The following IL5RA variants were observed in gnomAD, a reference collection of about 807,000 sequenced individuals.
IL5RA encodes interleukin-5 receptor subunit alpha.
A neutral mutation model predicts 50.0 loss-of-function variants in IL5RA; 49 were observed. The observed-to-expected ratio is 0.98, with a 90% CI of 0.78 to 1.24. IL5RA has a LOEUF of 1.24. Ranked by LOEUF, IL5RA falls within the 50% of genes most tolerant of loss-of-function variation. The pLI is 0.00. For synonymous variants in IL5RA, 202 were observed against 174.0 expected (o/e 1.16, Z -1.26); for missense variants, 600 against 500.4 (o/e 1.20, Z -1.90).
chr3:3,090,330 GCTTT>G (rs1703034199), intron 9 of IL5RA: 3 of 1,079,180 alleles, frequency 2.8e-6, no homozygotes, highest in Admixed American at 2.2e-5. Context: ...TTAAACCTGG[GCTTT>G]CTATGTAAGG....
At chr3:3,095,249 T>G (rs190065765) in intron 8 of IL5RA, 50 bp downstream of exon 8, 11 of 1,452,872 alleles carry the variant, frequency 7.6e-6, no homozygotes, top group Non-Finnish European at 9.5e-7. Context: ...TTTTAAATGT[T>G]TCTAAAACAA....
chr3:3,102,518 C>G, intron 4 of IL5RA, among the ~76,000 whole-genome samples, 157 bp downstream of exon 4: 1 of 152,210 alleles, frequency 6.6e-6, no homozygotes, highest in East Asian at 1.9e-4. Flanking sequence ...GGCGCTAGCT[C>G]ACAGGCATTC....
intron 11 of IL5RA, chr3:3,073,972 A>G (rs1286567233): frequency 3.8e-6 from 1 of 264,730 alleles, no homozygotes; most frequent in African/African-American, 2.3e-5. Context: ...CCAATCAGAT[A>G]GTCCAGAAAT....
At chr3:3,104,417 C>T (rs1393747988) in intron 3 of IL5RA, among the ~76,000 whole-genome samples, 3 of 152,208 alleles carry the variant, frequency 2.0e-5, no homozygotes, top group Admixed American at 1.3e-4. Flanking sequence ...CTAGTGGCTA[C>T]TGCATTGGAC....
chr3:3,088,031 C>T (rs1702940520), intron 9 of IL5RA, among the ~76,000 whole-genome samples: 1 of 152,036 alleles, frequency 6.6e-6, no homozygotes, highest in Admixed American at 6.6e-5. Flanking sequence ...AAAAGGATGG[C>T]AGTAAATGAA....
rs375329236 is a variant in IL5RA at position 3,101,093 on chromosome 3, C to T, written c.367+599G>A. Among the ~76,000 whole-genome samples the T allele has an allele frequency of 1.1e-4, 17 of 151,336 alleles. No homozygotes were observed. The South Asian group carries it at 2.1e-3, about 19-fold the overall frequency. On this transcript the variant is annotated intron_variant, in intron 5 of 11. Transcript: ENST00000446632. Reference sequence around the variant, plus strand: ...ACTCGGGAGGCTGTGACATGAGAACCGCTTGAACCCAGGAGGCAGAGGTTG... The same window carrying T: ...ACTCGGGAGGCTGTGACATGAGAACTGCTTGAACCCAGGAGGCAGAGGTTG...
At chr3:3,074,237 A>C (rs1171500146) in intron 11 of IL5RA, among the ~76,000 whole-genome samples, 4 of 152,212 alleles carry the variant, frequency 2.6e-5, no homozygotes, top group Non-Finnish European at 5.9e-5. Context: ...CTATTAACTA[A>C]GATATTCATG....
intron 3 of IL5RA, among the ~76,000 whole-genome samples, chr3:3,103,463 C>T (rs930261248): frequency 2.0e-5 from 3 of 152,252 alleles, no homozygotes; most frequent in East Asian, 1.9e-4. Flanking sequence ...TCATGAATCT[C>T]GTTTCCACTA....
intron 5 of IL5RA, among the ~76,000 whole-genome samples, chr3:3,100,899 C>G (rs1304994090): frequency 6.6e-6 from 1 of 151,792 alleles, no homozygotes; most frequent in African/African-American, 2.4e-5. Flanking sequence ...GTAACCCCAG[C>G]ACTTTGGGAG....
intron 9 of IL5RA, among the ~76,000 whole-genome samples, chr3:3,086,829 G>A (rs539267489): frequency 2.4e-4 from 37 of 152,234 alleles, no homozygotes; most frequent in Non-Finnish European, 2.9e-4. Flanking sequence ...CCTATCAACC[G>A]ATGAGTGGAT....
chr3:3,073,866 G>A, intron 11 of IL5RA: 1 of 432,482 alleles, frequency 2.3e-6, no homozygotes, highest in Non-Finnish European at 4.6e-6. Flanking sequence ...ATCACTTTTG[G>A]AGGCCTTCCA....
chr3:3,096,044 C>T (rs17884949), intron 7 of IL5RA, among the ~76,000 whole-genome samples: 6,611 of 152,106 alleles, frequency 0.043, 225 homozygotes, highest in African/African-American at 0.096. Flanking sequence ...TTTGGGAGGC[C>T]GAGGCGGGTG....
chr3:3,075,203 CTTTTTTTT>C (rs10642608), intron 10 of IL5RA, among the ~76,000 whole-genome samples: 1 of 69,972 alleles, frequency 1.4e-5, no homozygotes, highest in African/African-American at 6.0e-5. Flanking sequence ...AGTTTACTTA[CTTTTTTTT>C]TTTTTTTTTT....
chr3:3,095,429 G>A lies in IL5RA; in HGVS notation c.725C>T (p.Pro242Leu), dbSNP rs576219217. 55 of 1,609,882 alleles carry A rather than the reference G, an allele frequency of 3.4e-5. No individual in the cohort carries two copies. In the South Asian group the frequency reaches 6.1e-4, roughly 18 times the overall value. Residue 242 changes from proline to leucine, a missense_variant, in exon 8 of 12, where the codon CCA becomes CTA. Physicochemically the swap from Pro to Leu is moderately conservative, Grantham distance 98. Coordinates refer to ENST00000446632, the MANE Select transcript of IL5RA (RefSeq NM_175726.4). Reference sequence around the variant, plus strand: ...TTCAATCTCTGCTGTGACATTCAGTGGAGGATTTATTTGATCTAAGTTAGG... The same window carrying A: ...TTCAATCTCTGCTGTGACATTCAGTAGAGGATTTATTTGATCTAAGTTAGG... ...ALHAIDQINP[P>L]LNVTAEIEGT...
rs542638953 is a variant in IL5RA, at chr3:3,070,041, G to A, written c.*184C>T. The stretch of plus-strand genomic sequence containing the variant: ...TCAACTTCCCTGCTGTAGGTGAGGC[G>A]ATTTGGATGAAGCATCCATACTTTT... On this transcript the variant is annotated 3_prime_UTR_variant, in exon 12 of 12. Transcript: ENST00000446632. 1.8e-4 allele frequency: 99 copies of A among 544,722 alleles called. No homozygotes were observed. The highest frequency in any genetic ancestry group is 2.9e-4 in the Non-Finnish European group (87 of 302,668). The allele number at this position is 544,722 out of a possible 1,614,324, so 33.7% of individuals were successfully genotyped here.
rs201183298 is a variant in IL5RA, at chr3:3,102,688, G to C, written c.215C>G (p.Pro72Arg). Residue 72 changes from proline (P) to arginine (R), a missense_variant, in exon 4 of 12, where the codon CCA (proline) becomes CGA (arginine). By Grantham distance (103) the Pro-to-Arg change is moderately radical (BLOSUM62 -2). Transcript: ENST00000446632. The stretch of plus-strand genomic sequence containing the variant: ...ATAAACACTTACGTCATCTTCTTTT[G>C]GAGCGTTTATTTTCACTTGATATTC... ...NLEYQVKINAPKEDDYETRIT... is the reference protein window; with the variant it reads ...NLEYQVKINARKEDDYETRIT... The C allele has an allele frequency of 6.3e-7, 1 of 1,593,040 alleles. No individual in the cohort carries two copies. Among genetic ancestry groups the C allele is most frequent in the African/African-American group, 1.4e-5 (1 of 74,008 alleles).
intron 2 of IL5RA, among the ~76,000 whole-genome samples, chr3:3,105,734 T>C (rs540266176): frequency 6.7e-6 from 1 of 149,552 alleles, no homozygotes; most frequent in African/African-American, 2.5e-5. Context: ...AATTGGGCAA[T>C]GAGAAGGAAT....
intron 9 of IL5RA, among the ~76,000 whole-genome samples, chr3:3,080,327 G>A (rs1702621131): frequency 6.6e-6 from 1 of 152,206 alleles, no homozygotes; most frequent in South Asian, 2.1e-4. Flanking sequence ...GACAGAGTAA[G>A]TCAGCCCAGG....
At position 3,098,202 on chromosome 3, in the gene IL5RA, G is replaced by A; in HGVS notation, c.456C>T (p.Ser152=). 6.2e-7 allele frequency: 1 copy of A among 1,614,122 alleles called. No homozygotes were observed. The highest frequency in any genetic ancestry group is 8.5e-7 in the Non-Finnish European group (1 of 1,180,004). The stretch of plus-strand genomic sequence containing the variant: ...TGCCAACAAGCCAGGTGCAGTGAAG[G>A]GAAACTTGGTATGACCTTAAACGTG... ...NYSRLRSYQV[S]LHCTWLVGTD... Residue 152 remains serine, a synonymous_variant, in exon 6 of 12, where the codon TCC becomes TCT. Transcript: ENST00000446632.
Sources: gnomAD v4.1 joint callset for allele counts (sites outside exome capture counted in the v4.1 genomes callset) on GRCh38, gnomAD v4.1.1 for gene constraint, MANE v1.5 for transcripts, NCBI Gene and HGNC (gene_info 2026-07-23, HGNC 2026-07-21) for gene names.